PTPRT: variants seen among roughly 807,000 people sequenced by gnomAD.
PTPRT encodes the protein receptor-type tyrosine-protein phosphatase T.
In PTPRT, 56 loss-of-function variants were observed where a neutral mutation model predicts 176.8. The observed-to-expected ratio is 0.32, with a 90% CI of 0.26 to 0.40. The LOEUF is 0.40. Ranked by LOEUF, PTPRT falls within the 10% of genes least tolerant of loss-of-function variation. The pLI, the probability that PTPRT is intolerant of heterozygous loss-of-function variation, is 1.00. For synonymous variants in PTPRT, 783 were observed against 739.0 expected (o/e 1.06, Z -0.96); for missense variants, 1,540 against 1,908.2 (o/e 0.81, Z 3.60).
chr20:43,172,513 G>A (rs1423123147), intron 1 of PTPRT, among the ~76,000 whole-genome samples: 2 of 152,114 alleles, frequency 1.3e-5, no homozygotes, highest in African/African-American at 4.8e-5. Context: ...CTATGTCCTA[G>A]GAACCATCTC....
intron 2 of PTPRT, among the ~76,000 whole-genome samples, chr20:42,800,937 G>A (rs1487644281): frequency 6.6e-6 from 1 of 151,998 alleles, no homozygotes; most frequent in Non-Finnish European, 1.5e-5. Flanking sequence ...ACCACGACTG[G>A]GTCTGAAAGC....
rs76148324 is a variant in PTPRT, at chr20:42,363,608, C to A, written c.1561-11323G>T. Among the ~76,000 whole-genome samples the A allele has an allele frequency of 6.3e-3, 964 of 151,996 alleles. 8 individuals are homozygous for A. The highest frequency in any genetic ancestry group is 0.022 in the African/African-American group (915 of 41,454). ...TACAGCCATGAGTCACCGTGCCCGG[C>A]CTATTACAATAATATTAACAACACG... On this transcript the variant is annotated intron_variant, in intron 9 of 30. Transcript: ENST00000373187.
intron 9 of PTPRT, among the ~76,000 whole-genome samples, chr20:42,353,648 C>T (rs994284478): frequency 6.6e-6 from 1 of 152,212 alleles, no homozygotes; most frequent in Non-Finnish European, 1.5e-5. Context: ...GGTAGCCCAG[C>T]ACTGGTCCCA....
At chr20:42,601,900 C>T (rs1160889586) in intron 7 of PTPRT, among the ~76,000 whole-genome samples, 2 of 152,104 alleles carry the variant, frequency 1.3e-5, no homozygotes, top group African/African-American at 4.8e-5. Context: ...GACTGTCAGG[C>T]GGAGGTCTGT....
chr20:42,115,424 C>G (rs1252820199), intron 21 of PTPRT, 109 bp from the exon 22 acceptor site: 15 of 834,900 alleles, frequency 1.8e-5, no homozygotes, highest in Non-Finnish European at 2.2e-5. Context: ...CCAAATAAAC[C>G]CAAGGGTGAC....
At chr20:42,566,375 A>T (rs1424043015) in intron 7 of PTPRT, among the ~76,000 whole-genome samples, 1 of 152,154 alleles carries the variant, frequency 6.6e-6, no homozygotes, top group Non-Finnish European at 1.5e-5. Flanking sequence ...GGCTCAAGTG[A>T]TCCTCTTGCC....
At chr20:42,398,864 G>A (rs374253930) in intron 9 of PTPRT, among the ~76,000 whole-genome samples, 17 of 152,322 alleles carry the variant, frequency 1.1e-4, no homozygotes, top group African/African-American at 3.8e-4. Context: ...ACTGCTCGAT[G>A]TCATTCAAGT....
intron 16 of PTPRT, among the ~76,000 whole-genome samples, chr20:42,198,719 G>A (rs1235364296): frequency 6.6e-6 from 1 of 152,184 alleles, no homozygotes; most frequent in Non-Finnish European, 1.5e-5. Context: ...ACTGGCAAAT[G>A]TTTGAGGGAT....
chr20:42,454,386 G>T (rs1025866976), intron 8 of PTPRT, among the ~76,000 whole-genome samples: 1 of 152,114 alleles, frequency 6.6e-6, no homozygotes, highest in African/African-American at 2.4e-5. Context: ...TGACTGAAGG[G>T]CTTATCTATC....
At chr20:42,386,234 G>C (rs896902855) in intron 9 of PTPRT, among the ~76,000 whole-genome samples, 1 of 152,138 alleles carries the variant, frequency 6.6e-6, no homozygotes, top group Non-Finnish European at 1.5e-5. Context: ...TCCCATTTTA[G>C]AGCCTGAATT....
chr20:42,142,485 G>T (rs1360284783), intron 17 of PTPRT, among the ~76,000 whole-genome samples: 1 of 152,166 alleles, frequency 6.6e-6, no homozygotes, highest in Non-Finnish European at 1.5e-5. Context: ...TAGTGATGAG[G>T]AATGAGAATT....
chr20:42,338,157 A>G (rs1198810311), intron 11 of PTPRT, among the ~76,000 whole-genome samples: 1 of 152,240 alleles, frequency 6.6e-6, no homozygotes, highest in African/African-American at 2.4e-5. Context: ...AATTCAGTTT[A>G]TGCTTTTTCA....
intron 1 of PTPRT, among the ~76,000 whole-genome samples, chr20:42,898,376 T>A (rs1425134521): frequency 2.6e-5 from 4 of 152,106 alleles, no homozygotes; most frequent in African/African-American, 9.7e-5. Context: ...ACTTGGCTAA[T>A]TTTTAAATTT....
intron 6 of PTPRT, among the ~76,000 whole-genome samples, chr20:42,697,649 T>C (rs558626512): frequency 1.3e-5 from 2 of 152,294 alleles, no homozygotes; most frequent in Admixed American, 6.5e-5. Context: ...ATAAAGCTCG[T>C]CCTAAAATCT....
chr20:43,097,952 C>T (rs1279062150), intron 1 of PTPRT, among the ~76,000 whole-genome samples: 2 of 152,236 alleles, frequency 1.3e-5, no homozygotes, highest in Non-Finnish European at 2.9e-5. Flanking sequence ...GCACAGTGCG[C>T]GGGCTGTACA....
chr20:42,598,722 A>T (rs1032039645), intron 7 of PTPRT, among the ~76,000 whole-genome samples: 2 of 151,830 alleles, frequency 1.3e-5, no homozygotes, highest in African/African-American at 4.8e-5. Context: ...ATGCAGTCTC[A>T]CTTCCCTGGT....
Position 42,076,800 on chromosome 20 carries a change from A to G in PTPRT, c.*4079T>C, listed in dbSNP as rs1982817712. On this transcript the variant is annotated 3_prime_UTR_variant, in exon 31 of 31. Transcript: ENST00000373187. ...AAGGCTAAATCAGAAAGTGGAATGC[A>G]AATTTTGCATGAATTGTGAACGTAA... 2 of 201,886 alleles carry G rather than the reference A, an allele frequency of 9.9e-6. No homozygotes were observed. The highest frequency in any genetic ancestry group is 3.8e-4 in the South Asian group (2 of 5,226). The allele number at this position is 201,886 out of a possible 1,614,324, so 12.5% of individuals were successfully genotyped here.
chr20:42,433,106 G>C (rs1369679316), intron 9 of PTPRT, among the ~76,000 whole-genome samples: 1 of 152,150 alleles, frequency 6.6e-6, no homozygotes, highest in African/African-American at 2.4e-5. Flanking sequence ...TAATCTACTG[G>C]CAAATGGAAA....
In PTPRT at chr20:43,173,709, G is replaced by A. The variant is rs192337038; in HGVS notation, c.88+15937C>T. Among the ~76,000 whole-genome samples the A allele has an allele frequency of 8.9e-4, 136 of 152,344 alleles. 3 individuals carry two copies. Among genetic ancestry groups the A allele is most frequent in the African/African-American group, 3.1e-3 (129 of 41,588 alleles). ...GGTCCCCAGTGTGAAATCAGGGGCA[G>A]CTATATCTAGGGGCTCAACCTCTGT... On this transcript the variant is annotated intron_variant, in intron 1 of 30. Coordinates refer to ENST00000373187, the MANE Select transcript of PTPRT (RefSeq NM_007050.6).
Sources: gnomAD v4.1 joint callset for allele counts (sites outside exome capture counted in the v4.1 genomes callset) on GRCh38, gnomAD v4.1.1 for gene constraint, MANE v1.5 for transcripts, NCBI Gene and HGNC (gene_info 2026-07-23, HGNC 2026-07-21) for gene names.